RBL2: variants seen among roughly 807,000 people sequenced by gnomAD.
RBL2 encodes the protein RB transcriptional corepressor like 2.
In RBL2, 56 loss-of-function variants were observed where a neutral mutation model predicts 126.0. The observed-to-expected ratio is 0.44, with a 90% CI of 0.36 to 0.56. The LOEUF is 0.56. Ranked by LOEUF, RBL2 falls within the 20% of genes least tolerant of loss-of-function variation. The pLI, the probability that RBL2 is intolerant of heterozygous loss-of-function variation, is 0.00. For synonymous variants in RBL2, 454 were observed against 478.5 expected, an observed-to-expected ratio of 0.95 and a Z score of 0.67; for missense variants, 1,229 against 1,398.2, an observed-to-expected ratio of 0.88 and a Z score of 1.93.
At chr16:53,442,031 A>G (rs2058021243) in intron 2 of RBL2, among the ~76,000 whole-genome samples, 1 of 152,092 alleles carries the variant, frequency 6.6e-6, no homozygotes, top group African/African-American at 2.4e-5. Context: ...CATGTTGGCC[A>G]TGCTGGTTTC....
At chr16:53,480,519 C>T (rs373797654) in intron 19 of RBL2, 48 bp from the exon 20 acceptor site, 2 of 1,502,830 alleles carry the variant, frequency 1.3e-6, no homozygotes, top group South Asian at 2.5e-5. Context: ...TTAAAACAGT[C>T]AATATTAGCA....
intron 1 of RBL2, among the ~76,000 whole-genome samples, 173 bp from the exon 2 acceptor site, chr16:53,438,843 C>CA (rs11302382): frequency 0.015 from 443 of 30,532 alleles, 108 homozygotes; most frequent in Admixed American, 0.029. Flanking sequence ...GATTCCATCT[C>CA]AAAAAAAAAA....
rs538111290 is a variant in RBL2 at position 53,452,137 on chromosome 16, C to T, written c.766+306C>T. ...CATTAAAGCCGATGATGTTTTTCTA[C>T]ATTGGCAAACTTTGTGCCTGACACA... is the stretch of plus-strand genomic sequence containing the variant. On this transcript the variant is annotated intron_variant, in intron 5 of 21. Coordinates refer to ENST00000262133, the MANE Select transcript of RBL2 (RefSeq NM_005611.4). Among the ~76,000 whole-genome samples the T allele has an allele frequency of 2.0e-5, 3 of 152,284 alleles. No homozygotes were observed. The East Asian group carries it at 5.8e-4, about 29-fold the overall frequency.
intron 15 of RBL2, 31 bp downstream of exon 15, chr16:53,470,216 C>T: frequency 6.3e-7 from 1 of 1,581,886 alleles, no homozygotes. Context: ...TATTGAGTTC[C>T]TTCTCTGTGG....
At chr16:53,482,151 G>A (rs1005166770) in intron 21 of RBL2, among the ~76,000 whole-genome samples, 9 of 152,120 alleles carry the variant, frequency 5.9e-5, no homozygotes, top group Non-Finnish European at 1.3e-4. Flanking sequence ...CATTTGTTAG[G>A]GAAAGAAATT....
rs1235302818 is a variant in RBL2 at position 53,479,151 on chromosome 16, C to T, written c.2704-3C>T. ...CTCTCAGAGCACTCTTATTGTTTGC[C>T]AGGTCACAAAAGAAGATAAGTCCTT... On this transcript the variant is annotated splice_region_variant and splice_polypyrimidine_tract_variant and intron_variant, in intron 17 of 21. Transcript: ENST00000262133. The T allele has an allele frequency of 1.2e-6, 2 of 1,612,236 alleles. No homozygotes were observed. Among genetic ancestry groups the T allele is most frequent in the Non-Finnish European group, 1.7e-6 (2 of 1,178,378 alleles).
intron 21 of RBL2, chr16:53,489,821 C>T (rs1961338224): frequency 1.4e-5 from 3 of 212,092 alleles, no homozygotes; most frequent in Non-Finnish European, 2.8e-5. Context: ...GTAATGCTCC[C>T]TAATTGTAAA....
Position 53,479,487 on chromosome 16 carries a change from T to G in RBL2, c.2775+262T>G. On this transcript the variant is annotated intron_variant, in intron 18 of 21. Coordinates refer to ENST00000262133, the MANE Select transcript of RBL2 (RefSeq NM_005611.4). ...AGATAGGAATTAAGAAGTTACTTGGTTTCTATGTCACCTTTCATTCTGGTT... is the reference window on the plus strand; with the variant it reads ...AGATAGGAATTAAGAAGTTACTTGGGTTCTATGTCACCTTTCATTCTGGTT... 9.5e-6 allele frequency: 5 copies of G among 524,980 alleles called. No individual in the cohort carries two copies. The South Asian group carries it at 1.3e-4, about 13-fold the overall frequency. 32.5% of individuals were successfully genotyped at this position (524,980 alleles called of 1,614,324 possible). A position where few individuals can be genotyped will look rare whatever the true frequency, so the allele number is the denominator to read the frequency against.
At chr16:53,452,641 T>C (rs1382941255) in intron 5 of RBL2, among the ~76,000 whole-genome samples, 3 of 152,116 alleles carry the variant, frequency 2.0e-5, no homozygotes, top group Admixed American at 1.3e-4. Flanking sequence ...TTCCTTTCAC[T>C]TTTATCTTTT....
In RBL2 at chr16:53,465,620, C is replaced by T. The variant is rs1231421178; in HGVS notation, c.1863+18C>T. ...GTGAAGAGGTTTGTGAAAATAACAT[C>T]TTTTTATGAGAAAAATACATCAATA... On this transcript the variant is annotated intron_variant, in intron 13 of 21. Transcript: ENST00000262133. 1 of 1,521,248 alleles carries T rather than the reference C, an allele frequency of 6.6e-7. No homozygotes were observed. The highest frequency in any genetic ancestry group is 2.3e-5 in the Admixed American group (1 of 44,286). The allele number at this position is 1,521,248 out of a possible 1,614,324, so 94.2% of individuals were successfully genotyped here.
At chr16:53,435,670 A>G (rs2057951811) in intron 1 of RBL2, 3 of 1,288,948 alleles carry the variant, frequency 2.3e-6, no homozygotes, top group East Asian at 1.1e-4. Flanking sequence ...AGGCCATTTG[A>G]TTTCTCAAGT....
rs1422680674 is a variant in RBL2 at position 53,459,532 on chromosome 16, A to AG, written c.1261_1262insG (p.Thr421SerfsTer5). ...TAGCCCTTGTGTGACTCCAGTTTCT[A>AG]CAGCTACGCATAGCTTGAGTCGTCT... On this transcript the variant is annotated frameshift_variant, in exon 9 of 22. Transcript: ENST00000262133. LOFTEE classifies it high-confidence loss of function. 6.2e-7 allele frequency: 1 copy of AG among 1,612,238 alleles called. No individual in the cohort carries two copies. Among genetic ancestry groups the AG allele is most frequent in the Admixed American group, 1.7e-5 (1 of 59,512 alleles).
At chr16:53,480,793 A>C (rs1567746817) in intron 20 of RBL2, 24 bp downstream of exon 20, 3 of 1,595,564 alleles carry the variant, frequency 1.9e-6, no homozygotes, top group East Asian at 2.2e-5. Flanking sequence ...GGATTATTTC[A>C]TACTTTTTTC....
intron 6 of RBL2, 33 bp from the exon 7 acceptor site, chr16:53,453,672 A>T (rs774336755): frequency 2.5e-6 from 4 of 1,604,238 alleles, no homozygotes; most frequent in Non-Finnish European, 3.4e-6. Flanking sequence ...TTGATTTAAC[A>T]TGACGACTTA....
intron 14 of RBL2, 70 bp downstream of exon 14, chr16:53,467,239 C>G (rs764967644): frequency 1.1e-4 from 136 of 1,273,732 alleles, no homozygotes; most frequent in Non-Finnish European, 1.0e-4. Context: ...TCTAACCCTA[C>G]AAGTGAAGTT....
At chr16:53,444,493 C>T (rs1199971303) in intron 3 of RBL2, among the ~76,000 whole-genome samples, 1 of 151,702 alleles carries the variant, frequency 6.6e-6, no homozygotes, top group Non-Finnish European at 1.5e-5. Flanking sequence ...TTGGAGGTTG[C>T]AGTGAGCCGA....
intron 8 of RBL2, among the ~76,000 whole-genome samples, chr16:53,456,809 A>G (rs1378027763): frequency 2.0e-5 from 3 of 152,156 alleles, no homozygotes; most frequent in African/African-American, 7.2e-5. Flanking sequence ...TGATAACCCA[A>G]CTGCTATGTC....
Position 53,467,149 on chromosome 16 carries a change from A to G in RBL2, c.1955A>G (p.Asp652Gly), listed in dbSNP as rs776187508. 1.2e-6 allele frequency: 2 copies of G among 1,613,190 alleles called. No homozygotes were observed. The highest frequency in any genetic ancestry group is 3.3e-5 in the Admixed American group (2 of 59,958). ...TPRRVTEVRA[D>G]TGGLGRSITS... ...AGAAGGGTGACTGAAGTTCGTGCTGATACTGGAGGACTTGGAAGGAGTAAG... is the reference window on the plus strand; with the variant it reads ...AGAAGGGTGACTGAAGTTCGTGCTGGTACTGGAGGACTTGGAAGGAGTAAG... The change falls in exon 14 of 22, where the codon GAT becomes GGT. Residue 652 changes from aspartate to glycine, a missense_variant. This residue lies in a region of RBL2 where 1,070 missense variants were observed against 1,274.3 expected (regional missense o/e 0.84). Transcript: ENST00000262133.
intron 17 of RBL2, among the ~76,000 whole-genome samples, chr16:53,477,258 A>G (rs1960760862): frequency 6.6e-6 from 1 of 152,206 alleles, no homozygotes; most frequent in Non-Finnish European, 1.5e-5. Context: ...TATGACTTCT[A>G]AAGTAGCAGA....
Sources: allele counts gnomAD v4.1 joint callset (sites outside exome capture counted in the v4.1 genomes callset), GRCh38; gene constraint gnomAD v4.1.1; regional missense constraint gnomAD v4.1.1; transcripts MANE v1.5; gene names NCBI Gene and HGNC (gene_info 2026-07-23, HGNC 2026-07-21).